The following CRPPA variants were observed in gnomAD, a reference collection of about 807,000 sequenced individuals.
The protein encoded by CRPPA is D-ribitol-5-phosphate cytidylyltransferase.
In CRPPA, 43 loss-of-function variants were observed where a neutral mutation model predicts 52.0. That is an observed-to-expected ratio of 0.83 (90% confidence interval 0.65 to 1.07). The LOEUF (loss-of-function observed/expected upper bound fraction) is 1.07. Ranked by LOEUF, CRPPA falls within the 50% of genes least tolerant of loss-of-function variation. The probability of loss-of-function intolerance (pLI) is 0.00; values close to 1 mark genes in which losing one functional copy is unlikely to be tolerated. For missense variants in CRPPA, 629 were observed against 551.7 expected, an observed-to-expected ratio of 1.14 and a Z score of -1.40; for synonymous variants, 250 against 203.5, an observed-to-expected ratio of 1.23 and a Z score of -1.94.
chr7:16,278,338 G>T (rs1784253176), intron 5 of CRPPA, 112 bp from the exon 6 acceptor site: 1 of 625,108 alleles, frequency 1.6e-6, no homozygotes. Flanking sequence ...AGAATAGGGA[G>T]GTTTTGATTT....
At chr7:16,395,196 C>T (rs755613864) in intron 2 of CRPPA, among the ~76,000 whole-genome samples, 1 of 152,156 alleles carries the variant, frequency 6.6e-6, no homozygotes, top group Admixed American at 6.5e-5. Context: ...TCAGTGATTA[C>T]TTGTCTCTCA....
At chr7:16,364,299 A>G (rs1204028254) in intron 3 of CRPPA, among the ~76,000 whole-genome samples, 1 of 152,246 alleles carries the variant, frequency 6.6e-6, no homozygotes, top group Non-Finnish European at 1.5e-5. Flanking sequence ...ATAATTTCAA[A>G]TCTAAAATAA....
chr7:16,152,549 A>G (rs1783098017), intron 9 of CRPPA, among the ~76,000 whole-genome samples: 1 of 151,974 alleles, frequency 6.6e-6, no homozygotes, highest in South Asian at 2.1e-4. Flanking sequence ...TATTTTCCAT[A>G]AGTATTTATA....
intron 9 of CRPPA, among the ~76,000 whole-genome samples, chr7:16,178,623 T>C (rs1222161089): frequency 6.6e-6 from 1 of 152,082 alleles, no homozygotes; most frequent in Non-Finnish European, 1.5e-5. Context: ...CCTTGCTAAA[T>C]AGGATATTAT....
chr7:16,289,293 C>T (rs1784512612), intron 5 of CRPPA, among the ~76,000 whole-genome samples: 1 of 152,148 alleles, frequency 6.6e-6, no homozygotes, highest in African/African-American at 2.4e-5. Flanking sequence ...AGAACTGATA[C>T]TAATCCTCCT....
At chr7:16,122,814 G>A (rs1435968617) in intron 9 of CRPPA, among the ~76,000 whole-genome samples, 4 of 152,026 alleles carry the variant, frequency 2.6e-5, no homozygotes, top group Non-Finnish European at 5.9e-5. Context: ...AGAAGCCGGA[G>A]GGCTTGCTCT....
intron 3 of CRPPA, among the ~76,000 whole-genome samples, chr7:16,339,219 C>T (rs1562640969): frequency 1.3e-5 from 2 of 150,988 alleles, no homozygotes; most frequent in Non-Finnish European, 3.0e-5. Flanking sequence ...ACCCTAATTC[C>T]AAAAACAAAA....
chr7:16,340,310 T>C (rs964632002), intron 3 of CRPPA, among the ~76,000 whole-genome samples: 6 of 151,978 alleles, frequency 3.9e-5, no homozygotes, highest in Admixed American at 1.3e-4. Flanking sequence ...TGAAAAGATA[T>C]GCCACAGACT....
At position 16,337,016 on chromosome 7, in the gene CRPPA, T is replaced by A. The variant is rs117817691; in HGVS notation, c.685-28389A>T. 4.3e-3 allele frequency among the ~76,000 whole-genome samples: 661 copies of A among 151,996 alleles called. 2 individuals carry two copies. The highest frequency in any genetic ancestry group is 7.1e-3 in the Non-Finnish European group (484 of 67,912). On this transcript the variant is annotated intron_variant, in intron 3 of 9. Coordinates refer to ENST00000407010, the MANE Select transcript of CRPPA (RefSeq NM_001101426.4). ...GTACAAATCTGAATGAAGAGAGAGA[T>A]TGCAATACTATAATAGTAGGGGACC...
chr7:16,145,063 C>A (rs1782948585), intron 9 of CRPPA, among the ~76,000 whole-genome samples: 1 of 152,164 alleles, frequency 6.6e-6, no homozygotes, highest in African/African-American at 2.4e-5. Flanking sequence ...GAGTCAAAAC[C>A]ATAAGTGCCC....
At chr7:16,228,042 G>A (rs371167427) in intron 8 of CRPPA, among the ~76,000 whole-genome samples, 5 of 151,860 alleles carry the variant, frequency 3.3e-5, no homozygotes, top group East Asian at 3.9e-4. Context: ...GTCTAAATCC[G>A]TTGGCTATAA....
intron 9 of CRPPA, among the ~76,000 whole-genome samples, chr7:16,170,401 A>G (rs1781155581): frequency 6.6e-6 from 1 of 152,076 alleles, no homozygotes; most frequent in African/African-American, 2.4e-5. Context: ...GTGTGTCTAG[A>G]GTTTATTCCT....
intron 9 of CRPPA, among the ~76,000 whole-genome samples, chr7:16,151,901 TA>T (rs749491274): frequency 9.9e-5 from 15 of 152,082 alleles, no homozygotes; most frequent in Middle Eastern, 3.4e-3. Context: ...TTATACACAA[TA>T]AAGTTATCCC....
intron 2 of CRPPA, among the ~76,000 whole-genome samples, chr7:16,404,762 C>T (rs1787911627): frequency 6.6e-6 from 1 of 152,130 alleles, no homozygotes. Context: ...TTTATGCCTT[C>T]TCACCACCCT....
rs58468591 is a variant in CRPPA, at chr7:16,101,035, G to A, written c.1252-9236C>T. The stretch of plus-strand genomic sequence containing the variant: ...TCATGGTGGATAAGCTTTTTGATGT[G>A]CTGCTGGAATTGGCTTGCCAGTATT... On this transcript the variant is annotated intron_variant, in intron 9 of 9. Coordinates refer to ENST00000407010, the MANE Select transcript of CRPPA (RefSeq NM_001101426.4). Among the ~76,000 whole-genome samples the A allele has an allele frequency of 3.2e-3, 482 of 152,250 alleles. 2 individuals are homozygous for A. The highest frequency in any genetic ancestry group is 0.011 in the African/African-American group (470 of 41,548).
chr7:16,268,495 T>G (rs1309789311), intron 6 of CRPPA, among the ~76,000 whole-genome samples: 1 of 152,114 alleles, frequency 6.6e-6, no homozygotes, highest in East Asian at 1.9e-4. Flanking sequence ...CTTGCAATAT[T>G]TATACATAAA....
Position 16,254,792 on chromosome 7 carries a change from G to GGAAGGAAAGAAAGAAA in CRPPA, c.1119+3597_1119+3598insTTTCTTTCTTTCCTTC, listed in dbSNP as rs1392503305. ...CACACAGAAAGAAAGAAAGAAAGAA[G>GGAAGGAAAGAAAGAAA]GAAAGAAAGAAAGAAAGAAAGAAAG... On this transcript the variant is annotated intron_variant, in intron 8 of 9. Coordinates refer to ENST00000407010, the MANE Select transcript of CRPPA (RefSeq NM_001101426.4). 4.9e-3 allele frequency among the ~76,000 whole-genome samples: 495 copies of GGAAGGAAAGAAAGAAA among 101,750 alleles called. 2 individuals carry two copies. Among genetic ancestry groups the GGAAGGAAAGAAAGAAA allele is most frequent in the East Asian group, 0.01 (33 of 3,276 alleles). The allele number at this position is 101,750 out of a possible 152,430, so 66.8% of individuals were successfully genotyped here.
intron 3 of CRPPA, among the ~76,000 whole-genome samples, chr7:16,351,117 T>C (rs1247449282): frequency 6.6e-6 from 1 of 151,826 alleles, no homozygotes; most frequent in Non-Finnish European, 1.5e-5. Context: ...CTAAGAGATA[T>C]GAAAGGAAAT....
chr7:16,104,916 GA>G (rs200804703), intron 9 of CRPPA, among the ~76,000 whole-genome samples: 1,919 of 141,802 alleles, frequency 0.014, 50 homozygotes, highest in African/African-American at 0.046. Context: ...AAAAAAAAAA[GA>G]AAAAAAAAAT....
Sources: gnomAD v4.1 joint callset for allele counts (sites outside exome capture counted in the v4.1 genomes callset) on GRCh38, gnomAD v4.1.1 for gene constraint, MANE v1.5 for transcripts, NCBI Gene and HGNC (gene_info 2026-07-23, HGNC 2026-07-21) for gene names.